NIBAN3: variants seen among roughly 807,000 people sequenced by gnomAD.
The protein encoded by NIBAN3 is protein Niban 3.
Under a neutral mutation model 76.4 loss-of-function variants are expected in NIBAN3, and 66 were observed. The ratio of observed to expected loss-of-function variants is 0.86; its 90% CI spans 0.71 to 1.06. The LOEUF is 1.06. Among genes scored for constraint, NIBAN3 ranks in the 50% least tolerant of loss-of-function variants. The probability of loss-of-function intolerance (pLI) is 0.00; values close to 1 mark genes in which losing one functional copy is unlikely to be tolerated. For missense variants in NIBAN3, 808 were observed against 810.7 expected, an observed-to-expected ratio of 1.00 and a Z score of 0.04; for synonymous variants, 360 against 355.2, an observed-to-expected ratio of 1.01 and a Z score of -0.15.
At chr19:17,532,441 C>A in intron 3 of NIBAN3, 53 bp downstream of exon 3, 2 of 1,613,558 alleles carry the variant, frequency 1.2e-6, no homozygotes, top group Non-Finnish European at 1.7e-6. Context: ...TTCCCACCCC[C>A]GTCAGCCTCA....
chr19:17,539,505 C>T (rs2075897848), intron 7 of NIBAN3, 54 bp downstream of exon 7: 1 of 1,457,050 alleles, frequency 6.9e-7, no homozygotes, highest in Non-Finnish European at 9.1e-7. Flanking sequence ...CGTTCGGGTT[C>T]CCCTCCCACG....
intron 14 of NIBAN3, among the ~76,000 whole-genome samples, chr19:17,550,280 G>A (rs2076133799): frequency 6.6e-6 from 1 of 152,152 alleles, no homozygotes; most frequent in South Asian, 2.1e-4. Context: ...TTTTTATGCA[G>A]CAATAGCTAA....
At chr19:17,526,205 C>T (rs187349868), upstream of NIBAN3, among the ~76,000 whole-genome samples, 153 of 151,034 alleles carry the variant, frequency 1.0e-3, no homozygotes, top group African/African-American at 3.6e-3. Flanking sequence ...CCCAGCTACT[C>T]GGGAGGCTGA....
At chr19:17,536,377 C>T (rs1043374054) in intron 4 of NIBAN3, among the ~76,000 whole-genome samples, 9 of 152,108 alleles carry the variant, frequency 5.9e-5, no homozygotes, top group East Asian at 3.9e-4. Flanking sequence ...TTAGTAGAGA[C>T]GGGGTTTCAC....
rs1176450006 is a variant in NIBAN3 at position 17,540,591 on chromosome 19, C to T, written c.1170+9C>T. ...CGCGGCTGCGCAGGGAGGTGAGCTC[C>T]CGTGGGTAGGGGTTCAGTGAGCCAG... On this transcript the variant is annotated intron_variant, in intron 9 of 14. Transcript: ENST00000599164. The T allele has an allele frequency of 6.8e-7, 1 of 1,478,036 alleles. No homozygotes were observed. Among genetic ancestry groups the T allele is most frequent in the Non-Finnish European group, 9.0e-7 (1 of 1,110,758 alleles). 91.6% of individuals were successfully genotyped at this position (1,478,036 alleles called of 1,614,324 possible).
chr19:17,554,445 G>A (rs1206115188), downstream of NIBAN3, among the ~76,000 whole-genome samples: 3 of 150,566 alleles, frequency 2.0e-5, no homozygotes, highest in South Asian at 2.1e-4. Flanking sequence ...ATGTGATCAT[G>A]CCACTGCACT....
chr19:17,528,232 C>T (rs1314311382), intron 1 of NIBAN3, among the ~76,000 whole-genome samples: 1 of 152,068 alleles, frequency 6.6e-6, no homozygotes, highest in Non-Finnish European at 1.5e-5. Context: ...GCTGGGATTA[C>T]AAGCATGTGC....
chr19:17,549,828 T>TC (rs2076126187), intron 14 of NIBAN3: 1 of 448,106 alleles, frequency 2.2e-6, no homozygotes, highest in East Asian at 4.0e-5. Flanking sequence ...CTCTCTCTCT[T>TC]TTTTTTTTTT....
chr19:17,532,167 T>A lies in NIBAN3; in HGVS notation c.187-96T>A, dbSNP rs2075738132. 7.6e-6 allele frequency: 11 copies of A among 1,440,016 alleles called. No individual in the cohort carries two copies. The Admixed American group carries it at 1.3e-4, about 16-fold the overall frequency. 89.2% of individuals were successfully genotyped at this position (1,440,016 alleles called of 1,614,324 possible). ...TCCAGCCTGGGGCATCACGGGACCT[T>A]AGCGTCACCCCAGGATACAGCGGGT... is the stretch of plus-strand genomic sequence containing the variant. On this transcript the variant is annotated intron_variant, in intron 2 of 14. Transcript: ENST00000599164.
In NIBAN3 at chr19:17,542,681, G is replaced by A. The variant is rs1249237293; in HGVS notation, c.1329+387G>A. Among the ~76,000 whole-genome samples, 4 of 152,162 alleles carry A rather than the reference G, an allele frequency of 2.6e-5. No individual in the cohort carries two copies. Among genetic ancestry groups the A allele is most frequent in the Non-Finnish European group, 5.9e-5 (4 of 68,030 alleles). On this transcript the variant is annotated intron_variant, in intron 10 of 14. Transcript: ENST00000599164. The surrounding 1 kb of genome is among the most constrained non-coding windows in gnomAD (Gnocchi z 4.8). ...GGGAAGATAGGCCGGCGACATGGAC[G>A]GGCAGATCGCGCAGTGCCTTGAGCG...
At chr19:17,539,318 C>CGCG (rs1338408053) in intron 6 of NIBAN3, 29 bp from the exon 7 acceptor site, 3 of 1,554,348 alleles carry the variant, frequency 1.9e-6, no homozygotes. Flanking sequence ...CCCGGCCGAC[C>CGCG]GCGGCGCCCA....
In NIBAN3 at chr19:17,553,122, GTT is replaced by G. The variant is rs377076462; in HGVS notation, c.*1236_*1237del. The G allele has an allele frequency of 8.7e-4, 561 of 644,220 alleles. No homozygotes were observed. Among genetic ancestry groups the G allele is most frequent in the Non-Finnish European group, 9.4e-4 (406 of 432,014 alleles). The allele number at this position is 644,220 out of a possible 1,614,324, so 39.9% of individuals were successfully genotyped here. On this transcript the variant is annotated 3_prime_UTR_variant, in exon 15 of 15. Transcript: ENST00000599164. ...TTGATTAGCCATTTACATGTTTGTA[GTT>G]TTTTTTTTTTTAATTTCAGTGAATT...
chr19:17,538,701 A>C (rs891215465), intron 5 of NIBAN3, among the ~76,000 whole-genome samples: 4 of 150,460 alleles, frequency 2.7e-5, no homozygotes, highest in African/African-American at 9.8e-5. Context: ...AAGAAAAAGA[A>C]AAGAAAGGAG....
At chr19:17,541,337 C>T (rs185300832) in intron 9 of NIBAN3, among the ~76,000 whole-genome samples, 3 of 152,298 alleles carry the variant, frequency 2.0e-5, no homozygotes, top group Admixed American at 2.0e-4. Flanking sequence ...TTCCTAATCA[C>T]CTTCTCCAGG....
At position 17,553,631 on chromosome 19, in the gene NIBAN3, T is replaced by C. The variant is rs993521468; in HGVS notation, c.*1733T>C. On this transcript the variant is annotated 3_prime_UTR_variant, in exon 15 of 15. Coordinates refer to ENST00000599164, the MANE Select transcript of NIBAN3 (RefSeq NM_001321827.2). ...TCCGAAATACATTTGCTCAATACAT[T>C]TGCACTTCATAGGCTTCTTTAGCTG... The C allele has an allele frequency of 1.1e-5, 15 of 1,358,448 alleles. No homozygotes were observed. The Admixed American group carries it at 1.2e-4, about 11-fold the overall frequency. The allele number at this position is 1,358,448 out of a possible 1,614,324, so 84.1% of individuals were successfully genotyped here.
At chr19:17,538,592 CAG>C (rs1271878070) in intron 5 of NIBAN3, among the ~76,000 whole-genome samples, 2 of 149,702 alleles carry the variant, frequency 1.3e-5, no homozygotes, top group Non-Finnish European at 3.0e-5. Context: ...TACCGCACTT[CAG>C]CCTGAGCAAC....
At chr19:17,549,582 G>T in intron 14 of NIBAN3, 55 bp downstream of exon 14, 1 of 1,368,610 alleles carries the variant, frequency 7.3e-7, no homozygotes. Flanking sequence ...GGGTGGGGAG[G>T]TGGAGGCCCA....
intron 13 of NIBAN3, among the ~76,000 whole-genome samples, chr19:17,547,945 G>A (rs1438492137): frequency 3.9e-5 from 6 of 152,224 alleles, no homozygotes; most frequent in African/African-American, 1.2e-4. Context: ...GATTACCGGC[G>A]TGAGAGACAT....
chr19:17,543,674 C>T (rs2075998189), intron 12 of NIBAN3, 43 bp downstream of exon 12: 1 of 1,502,476 alleles, frequency 6.7e-7, no homozygotes, highest in Non-Finnish European at 9.1e-7. Context: ...ACAGCATCAC[C>T]ATGCATCCAC....
Sources: allele counts gnomAD v4.1 joint callset (sites outside exome capture counted in the v4.1 genomes callset), GRCh38; gene constraint gnomAD v4.1.1; non-coding constraint Gnocchi (gnomAD v3.1); transcripts MANE v1.5; gene names NCBI Gene and HGNC (gene_info 2026-07-23, HGNC 2026-07-21).